The following MEF2B variants were observed in gnomAD, a reference collection of about 807,000 sequenced individuals.
The protein encoded by MEF2B is myocyte-specific enhancer factor 2B.
In MEF2B, 15 loss-of-function variants were observed where a neutral mutation model predicts 32.2. The ratio of observed to expected loss-of-function variants is 0.47; its 90% confidence interval spans 0.31 to 0.72. The LOEUF (loss-of-function observed/expected upper bound fraction) is 0.72. Among genes scored for constraint, MEF2B ranks in the 30% least tolerant of loss-of-function variants. The pLI is 0.05. For missense variants in MEF2B, 441 were observed against 511.5 expected, an observed-to-expected ratio of 0.86 and a Z score of 1.33; for synonymous variants, 205 against 225.6, an observed-to-expected ratio of 0.91 and a Z score of 0.82.
intron 1 of MEF2B, among the ~76,000 whole-genome samples, chr19:19,159,478 G>C (rs1331311961): frequency 6.6e-6 from 1 of 151,936 alleles, no homozygotes; most frequent in Non-Finnish European, 1.5e-5. Context: ...TGTCTGTTCA[G>C]GCTAGAGTGA....
chr19:19,155,758 C>G (rs1286207717), intron 1 of MEF2B, among the ~76,000 whole-genome samples: 1 of 152,216 alleles, frequency 6.6e-6, no homozygotes, highest in East Asian at 1.9e-4. Context: ...ACCCTGGTGG[C>G]CCATTCTCCA....
At chr19:19,170,002 A>C (rs2146392576) in intron 1 of MEF2B, among the ~76,000 whole-genome samples, 1 of 152,068 alleles carries the variant, frequency 6.6e-6, no homozygotes, top group Non-Finnish European at 1.5e-5. Context: ...TTCCAGACCC[A>C]CACCCTTCAG....
chr19:19,168,685 C>T (rs985016347), intron 1 of MEF2B, among the ~76,000 whole-genome samples: 5 of 151,988 alleles, frequency 3.3e-5, no homozygotes, highest in African/African-American at 1.2e-4. Context: ...ACTCGAACTC[C>T]TCGGATCAAG....
intron 1 of MEF2B, among the ~76,000 whole-genome samples, chr19:19,158,828 C>T (rs904774372): frequency 6.6e-6 from 1 of 151,696 alleles, no homozygotes; most frequent in African/African-American, 2.4e-5. Context: ...CCCAGCTACT[C>T]AGGAGTCTGA....
At chr19:19,154,116 T>G (rs1031299153) in intron 1 of MEF2B, among the ~76,000 whole-genome samples, 3 of 152,010 alleles carry the variant, frequency 2.0e-5, no homozygotes, top group African/African-American at 7.2e-5. Context: ...TGTGGAGCTA[T>G]GAGAGCATAT....
chr19:19,146,780 C>T lies in MEF2B; in HGVS notation c.637G>A (p.Gly213Ser). Residue 213 changes from glycine to serine, a missense_variant, in exon 6 of 9, where the codon GGT (glycine) becomes AGT (serine). This residue lies in a region of MEF2B where 326 missense variants were observed against 328.4 expected (regional missense o/e 0.99). Transcript: ENST00000424583. ...CCCCCTCGGGGCCCAGCCAGGCCAC[C>T]AGGCAGGTCTGACCTCCGCCCTTCC... ...PTEGRRSDLP[G>S]GLAGPRGGLN... The T allele has an allele frequency of 6.2e-7, 1 of 1,614,048 alleles. No homozygotes were observed.
At chr19:19,150,357 G>A (rs1341527859) in intron 2 of MEF2B, among the ~76,000 whole-genome samples, 7 of 151,744 alleles carry the variant, frequency 4.6e-5, no homozygotes, top group South Asian at 2.1e-4. Flanking sequence ...GTGAAACCCC[G>A]TCTCTACTAA....
At chr19:19,154,829 G>A (rs921128446) in intron 1 of MEF2B, among the ~76,000 whole-genome samples, 5 of 152,240 alleles carry the variant, frequency 3.3e-5, no homozygotes, top group African/African-American at 4.8e-5. Flanking sequence ...TTGGAGGCCA[G>A]GGTGGAGATC....
At chr19:19,159,193 G>A (rs1299472739) in intron 1 of MEF2B, among the ~76,000 whole-genome samples, 1 of 144,124 alleles carries the variant, frequency 6.9e-6, no homozygotes, top group Non-Finnish European at 1.5e-5. Flanking sequence ...CACCAGTCTC[G>A]GCCTCCCAAA....
intron 2 of MEF2B, among the ~76,000 whole-genome samples, chr19:19,150,173 AGGG>A (rs2060062956): frequency 4.6e-4 from 39 of 85,462 alleles, no homozygotes; most frequent in African/African-American, 9.3e-4. Context: ...GGAGGGAAGG[AGGG>A]AGGGAGGGAA....
At chr19:19,160,523 A>G (rs2060152107) in intron 1 of MEF2B, among the ~76,000 whole-genome samples, 2 of 150,592 alleles carry the variant, frequency 1.3e-5, no homozygotes, top group Admixed American at 6.6e-5. Context: ...TACTGGGGGG[A>G]TGAGCTGCAG....
In MEF2B at chr19:19,145,659, C is replaced by T. The variant is rs1441995043; in HGVS notation, c.*138G>A. 1.3e-6 allele frequency: 2 copies of T among 1,529,080 alleles called. No individual in the cohort carries two copies. The highest frequency in any genetic ancestry group is 1.4e-5 in the African/African-American group (1 of 72,112). 94.7% of individuals were successfully genotyped at this position (1,529,080 alleles called of 1,614,324 possible). ...CCCCCCAGGGTGGATTGAGTCCAGC[C>T]GCCCACCTCCAAGCCCCCACCGCGG... On this transcript the variant is annotated 3_prime_UTR_variant, in exon 9 of 9. Transcript: ENST00000424583. The surrounding 1 kb of genome is among the most constrained non-coding windows in gnomAD (Gnocchi z 4.6).
chr19:19,168,212 G>GCCAA (rs1403015199), intron 1 of MEF2B, among the ~76,000 whole-genome samples: 3 of 152,020 alleles, frequency 2.0e-5, no homozygotes, highest in African/African-American at 7.3e-5. Flanking sequence ...CCTTCCCCAG[G>GCCAA]GATGATTCTT....
intron 1 of MEF2B, among the ~76,000 whole-genome samples, chr19:19,152,382 A>G (rs2060090138): frequency 7.1e-6 from 1 of 141,536 alleles, no homozygotes; most frequent in African/African-American, 2.6e-5. Flanking sequence ...CTCTGTCTCA[A>G]AAAAAAAAAA....
chr19:19,150,578 T>G, intron 2 of MEF2B, 104 bp downstream of exon 2: 2 of 1,249,122 alleles, frequency 1.6e-6, no homozygotes, highest in Admixed American at 4.0e-5. Context: ...TCCTCATGCC[T>G]CCTCATTCCC....
intron 1 of MEF2B, among the ~76,000 whole-genome samples, chr19:19,161,814 T>G (rs1422618819): frequency 6.6e-6 from 1 of 150,740 alleles, no homozygotes; most frequent in Admixed American, 6.6e-5. Flanking sequence ...CTTTTTTGTT[T>G]TTTTTTTTTG....
At chr19:19,153,918 T>A (rs1395653820) in intron 1 of MEF2B, among the ~76,000 whole-genome samples, 2 of 151,802 alleles carry the variant, frequency 1.3e-5, no homozygotes, top group African/African-American at 4.8e-5. Context: ...GCCCTGCTAG[T>A]TTTTATTTTC....
intron 1 of MEF2B, among the ~76,000 whole-genome samples, chr19:19,168,970 T>G (rs1013847167): frequency 3.3e-5 from 5 of 152,012 alleles, no homozygotes; most frequent in Admixed American, 2.6e-4. Context: ...ATCAATCACT[T>G]GAACCTGGGA....
At chr19:19,148,845 G>A (rs555627340) in intron 3 of MEF2B, among the ~76,000 whole-genome samples, 6 of 151,996 alleles carry the variant, frequency 3.9e-5, no homozygotes, top group Admixed American at 3.9e-4. Context: ...CCAAGTAGCT[G>A]GGATTAGAGG....
Sources: gnomAD v4.1 joint callset for allele counts (sites outside exome capture counted in the v4.1 genomes callset) on GRCh38, gnomAD v4.1.1 for gene constraint, gnomAD v4.1.1 regional missense constraint, Gnocchi (gnomAD v3.1) non-coding constraint, MANE v1.5 for transcripts, NCBI Gene and HGNC (gene_info 2026-07-23, HGNC 2026-07-21) for gene names.